Variants in ANO4 observed in about 807,000 individuals in gnomAD.
ANO4 encodes anoctamin-4.
ANO4 carries 69 observed loss-of-function variants against 141.9 expected under a neutral mutation model. The ratio of observed to expected loss-of-function variants is 0.49; its 90% confidence interval spans 0.40 to 0.59. ANO4 has a LOEUF of 0.59. Ranked by LOEUF, ANO4 falls within the 20% of genes least tolerant of loss-of-function variation. The probability of loss-of-function intolerance (pLI) is 0.00; values close to 1 mark genes in which losing one functional copy is unlikely to be tolerated. For missense variants in ANO4, 894 were observed against 1,162.2 expected, an observed-to-expected ratio of 0.77 and a Z score of 3.36; for synonymous variants, 350 against 394.3, an observed-to-expected ratio of 0.89 and a Z score of 1.33.
At chr12:100,858,359 ATAT>A (rs1468338208) in intron 1 of ANO4, among the ~76,000 whole-genome samples, 7 of 152,066 alleles carry the variant, frequency 4.6e-5, no homozygotes, top group African/African-American at 1.7e-4. Context: ...TAAAAATATG[ATAT>A]TATAATTTTA....
intron 17 of ANO4, among the ~76,000 whole-genome samples, chr12:101,091,195 C>T (rs2049757288): frequency 6.6e-6 from 1 of 152,064 alleles, no homozygotes. Flanking sequence ...ACTAGAATAA[C>T]ATAAGGTTGC....
chr12:100,885,140 C>T (rs923779808), intron 1 of ANO4, among the ~76,000 whole-genome samples: 4 of 152,214 alleles, frequency 2.6e-5, no homozygotes, highest in African/African-American at 7.2e-5. Context: ...AGATTGCCCC[C>T]CTTCCTTTTG....
At position 100,811,640 on chromosome 12, in the gene ANO4, T is replaced by G. The variant is rs565190744; in HGVS notation, c.-141+16613T>G. On this transcript the variant is annotated intron_variant, in intron 1 of 27. Coordinates refer to ENST00000392977, the MANE Select transcript of ANO4 (RefSeq NM_001286615.2). ...AGTGTGAGATGAAATCAGAACTGAA[T>G]GAGAGTGGCCACTGTTCTCTTGGCC... is the stretch of plus-strand genomic sequence containing the variant. Among the ~76,000 whole-genome samples the G allele has an allele frequency of 4.6e-5, 7 of 152,320 alleles. No individual in the cohort carries two copies. The East Asian group carries it at 1.3e-3, about 29-fold the overall frequency.
chr12:100,799,636 G>A lies in ANO4; in HGVS notation c.-141+4609G>A, dbSNP rs564142430. ...CGCGCCTGTAATCCCAGCTACTCAG[G>A]AGGCTGAGGTAAGAGAATCACTTGA... is the stretch of plus-strand genomic sequence containing the variant. On this transcript the variant is annotated intron_variant, in intron 1 of 27. Coordinates refer to ENST00000392977, the MANE Select transcript of ANO4 (RefSeq NM_001286615.2). Among the ~76,000 whole-genome samples, 464 of 152,254 alleles carry A rather than the reference G, an allele frequency of 3.0e-3. 1 individual carries two copies. Among genetic ancestry groups the A allele is most frequent in the Non-Finnish European group, 5.5e-3 (373 of 68,014 alleles).
At chr12:100,877,535 G>T (rs1379396082) in intron 1 of ANO4, among the ~76,000 whole-genome samples, 1 of 151,594 alleles carries the variant, frequency 6.6e-6, no homozygotes, top group Admixed American at 6.6e-5. Flanking sequence ...GGAATATGAG[G>T]TGAGGTCAGC....
Position 100,883,134 on chromosome 12 carries a change from A to T in ANO4, c.-140-18512A>T, listed in dbSNP as rs147441579. Among the ~76,000 whole-genome samples the T allele has an allele frequency of 2.7e-3, 408 of 152,344 alleles. 1 individual carries two copies. Among genetic ancestry groups the T allele is most frequent in the Non-Finnish European group, 4.7e-3 (320 of 68,034 alleles). ...TAAAACAAGAGGAGATAAGTACAAA[A>T]GTCTATGAATTTCAGGCCAGTAAGC... On this transcript the variant is annotated intron_variant, in intron 1 of 27. Coordinates refer to ENST00000392977, the MANE Select transcript of ANO4 (RefSeq NM_001286615.2).
chr12:100,791,418 A>T (rs747736649), upstream of ANO4, among the ~76,000 whole-genome samples: 27 of 152,146 alleles, frequency 1.8e-4, no homozygotes, highest in Admixed American at 3.9e-4. Flanking sequence ...TCCAAAAAAC[A>T]ACAACAACAA....
chr12:101,099,840 A>G, intron 22 of ANO4, 120 bp downstream of exon 22: 1 of 756,758 alleles, frequency 1.3e-6, no homozygotes, highest in Non-Finnish European at 1.9e-6. Flanking sequence ...TAAGGCAAAC[A>G]GAGAGGAAGG....
chr12:101,121,797 C>T (rs2051108329), intron 26 of ANO4, among the ~76,000 whole-genome samples: 1 of 131,958 alleles, frequency 7.6e-6, no homozygotes, highest in Non-Finnish European at 1.5e-5. Flanking sequence ...GATTCTCTCT[C>T]TGTCGCCCAG....
Position 101,032,654 on chromosome 12 carries a change from G to A in ANO4, c.842-4441G>A, listed in dbSNP as rs866438800. Among the ~76,000 whole-genome samples the A allele has an allele frequency of 2.8e-3, 418 of 151,814 alleles. 2 individuals are homozygous for A. Among genetic ancestry groups the A allele is most frequent in the African/African-American group, 9.5e-3 (395 of 41,396 alleles). ...CAAACAACCCCATCAAAAAGTGGGT[G>A]AAGGACATGAACAGACACTTCTCAA... On this transcript the variant is annotated intron_variant, in intron 9 of 27. Coordinates refer to ENST00000392977, the MANE Select transcript of ANO4 (RefSeq NM_001286615.2).
intron 15 of ANO4, among the ~76,000 whole-genome samples, chr12:101,080,885 A>AT (rs1566219650): frequency 1.4e-5 from 1 of 72,494 alleles, no homozygotes; most frequent in East Asian, 1.4e-3. Context: ...TATATATATT[A>AT]TATATATATA....
At chr12:100,978,896 G>A (rs1349395839) in intron 7 of ANO4, among the ~76,000 whole-genome samples, 1 of 152,190 alleles carries the variant, frequency 6.6e-6, no homozygotes, top group Non-Finnish European at 1.5e-5. Flanking sequence ...TTAGGTGTTG[G>A]TGTCTTAAAG....
upstream of ANO4, among the ~76,000 whole-genome samples, chr12:100,717,345 C>T (rs534318943): frequency 6.6e-6 from 1 of 151,478 alleles, no homozygotes; most frequent in African/African-American, 2.4e-5. Flanking sequence ...CGGGGGCCCC[C>T]GCGCGCCGGC....
At chr12:101,071,747 G>A (rs1172742905) in intron 14 of ANO4, among the ~76,000 whole-genome samples, 2 of 152,034 alleles carry the variant, frequency 1.3e-5, no homozygotes, top group Middle Eastern at 3.2e-3. Flanking sequence ...ATAGATACTC[G>A]ATTTTCCATG....
At chr12:100,869,179 G>A (rs1367977459) in intron 1 of ANO4, among the ~76,000 whole-genome samples, 3 of 152,190 alleles carry the variant, frequency 2.0e-5, no homozygotes, top group Admixed American at 2.0e-4. Flanking sequence ...CAAGCCTTAT[G>A]TTTTGTCCTC....
At chr12:100,960,246 A>G (rs1244523426) in intron 5 of ANO4, among the ~76,000 whole-genome samples, 1 of 148,362 alleles carries the variant, frequency 6.7e-6, no homozygotes, top group East Asian at 2.2e-4. Flanking sequence ...ATGTACATAC[A>G]TATTCACACA....
chr12:100,978,365 G>A (rs2044298971), intron 7 of ANO4, among the ~76,000 whole-genome samples: 1 of 152,212 alleles, frequency 6.6e-6, no homozygotes, highest in African/African-American at 2.4e-5. Flanking sequence ...GGGTGGGATG[G>A]ACAATAAGGG....
chr12:100,935,351 A>G (rs1036979682), intron 3 of ANO4, among the ~76,000 whole-genome samples: 14 of 140,612 alleles, frequency 1.0e-4, no homozygotes, highest in South Asian at 2.2e-4. Flanking sequence ...TGAGATAATC[A>G]TGTGTTTTTT....
intron 8 of ANO4, among the ~76,000 whole-genome samples, chr12:101,016,982 G>A (rs1231971151): frequency 6.6e-6 from 1 of 152,184 alleles, no homozygotes; most frequent in Non-Finnish European, 1.5e-5. Context: ...AGAGTATTGA[G>A]ATAAATCAGA....
Sources: gnomAD v4.1 joint callset for allele counts (sites outside exome capture counted in the v4.1 genomes callset) on GRCh38, gnomAD v4.1.1 for gene constraint, MANE v1.5 for transcripts, NCBI Gene and HGNC (gene_info 2026-07-23, HGNC 2026-07-21) for gene names.